ATE1: variants seen among roughly 807,000 people sequenced by gnomAD.
The protein encoded by ATE1 is arginyltransferase 1, also known as arginyl-tRNA--protein transferase 1.
ATE1 carries 36 observed loss-of-function variants against 70.5 expected under a neutral mutation model. The observed-to-expected ratio is 0.51, with a 90% CI of 0.39 to 0.67. The LOEUF is 0.67. Ranked by LOEUF, ATE1 falls within the 30% of genes least tolerant of loss-of-function variation. The pLI is 0.00. For missense variants in ATE1, 593 were observed against 629.5 expected (o/e 0.94, Z 0.62); for synonymous variants, 232 against 219.3 (o/e 1.06, Z -0.51).
At chr10:121,851,627 CTAACT>C (rs1345958919) in intron 8 of ATE1, among the ~76,000 whole-genome samples, 1 of 152,108 alleles carries the variant, frequency 6.6e-6, no homozygotes, top group African/African-American at 2.4e-5. Flanking sequence ...ACATGAGTAG[CTAACT>C]TAACAGCAAA....
At chr10:121,760,146 C>T (rs1163420022) in intron 11 of ATE1, among the ~76,000 whole-genome samples, 6 of 152,196 alleles carry the variant, frequency 3.9e-5, no homozygotes, top group Admixed American at 2.6e-4. Flanking sequence ...TGCCTGGTTA[C>T]CCAAGAGTTC....
chr10:121,923,919 G>T (rs1313932159), intron 2 of ATE1, among the ~76,000 whole-genome samples: 2 of 152,148 alleles, frequency 1.3e-5, no homozygotes, highest in Non-Finnish European at 2.9e-5. Flanking sequence ...CATACTTATT[G>T]CCTATCTATT....
At chr10:121,803,208 G>A (rs1232310630) in intron 10 of ATE1, among the ~76,000 whole-genome samples, 1 of 152,138 alleles carries the variant, frequency 6.6e-6, no homozygotes, top group Admixed American at 6.5e-5. Flanking sequence ...CTATGCATAT[G>A]AAGAATTCCT....
intron 8 of ATE1, among the ~76,000 whole-genome samples, chr10:121,852,388 C>A (rs1380022400): frequency 6.6e-6 from 1 of 151,620 alleles, no homozygotes; most frequent in African/African-American, 2.4e-5. Context: ...CTCACTCCTG[C>A]AACTGTTTTG....
intron 8 of ATE1, among the ~76,000 whole-genome samples, chr10:121,847,661 G>A (rs538999510): frequency 6.8e-6 from 1 of 147,394 alleles, no homozygotes; most frequent in East Asian, 2.0e-4. Context: ...AGGAGGCTGA[G>A]GGAGGACAGT....
At chr10:121,789,068 G>A (rs1946325803) in intron 11 of ATE1, among the ~76,000 whole-genome samples, 1 of 152,152 alleles carries the variant, frequency 6.6e-6, no homozygotes, top group Non-Finnish European at 1.5e-5. Context: ...ATAGGATGCA[G>A]CATTCTAATT....
At chr10:121,748,729 T>C (rs1201182756) in intron 11 of ATE1, among the ~76,000 whole-genome samples, 1 of 152,080 alleles carries the variant, frequency 6.6e-6, no homozygotes, top group African/African-American at 2.4e-5. Context: ...TAATAAAGTA[T>C]CTTATAAAGC....
At chr10:121,753,886 T>C (rs1036287206) in intron 11 of ATE1, among the ~76,000 whole-genome samples, 4 of 152,146 alleles carry the variant, frequency 2.6e-5, no homozygotes, top group African/African-American at 9.7e-5. Context: ...CAAAGAGACA[T>C]TTGTGAGTTC....
At chr10:121,827,415 T>C (rs981195078) in intron 10 of ATE1, among the ~76,000 whole-genome samples, 3 of 152,166 alleles carry the variant, frequency 2.0e-5, no homozygotes. Context: ...ACCTTGGAAC[T>C]GTAAGAGAAG....
intron 8 of ATE1, among the ~76,000 whole-genome samples, chr10:121,869,430 T>C (rs1949775194): frequency 6.6e-6 from 1 of 152,238 alleles, no homozygotes; most frequent in Non-Finnish European, 1.5e-5. Context: ...AGTTTTTCTT[T>C]ATCTCACAAT....
chr10:121,847,356 G>A (rs1439694394), intron 8 of ATE1, among the ~76,000 whole-genome samples: 2 of 152,228 alleles, frequency 1.3e-5, no homozygotes, highest in Non-Finnish European at 2.9e-5. Flanking sequence ...GCTGATGCAG[G>A]AGAATCGCTT....
At chr10:121,876,622 T>C (rs1203505594) in intron 7 of ATE1, among the ~76,000 whole-genome samples, 1 of 152,170 alleles carries the variant, frequency 6.6e-6, no homozygotes, top group East Asian at 1.9e-4. Flanking sequence ...GATAACAGTA[T>C]AACAATTCTA....
intron 10 of ATE1, among the ~76,000 whole-genome samples, chr10:121,808,944 C>T (rs1220737245): frequency 6.6e-6 from 1 of 152,176 alleles, no homozygotes; most frequent in Non-Finnish European, 1.5e-5. Flanking sequence ...GTATCTTGCA[C>T]TTTGATTTTT....
intron 11 of ATE1, among the ~76,000 whole-genome samples, chr10:121,765,445 A>T (rs927006074): frequency 2.6e-5 from 4 of 152,212 alleles, no homozygotes; most frequent in African/African-American, 9.6e-5. Flanking sequence ...TAACATTCAG[A>T]ATATACTGCA....
At chr10:121,927,110 G>A (rs12268263) in intron 1 of ATE1, 103,432 of 985,260 alleles carry the variant, frequency 0.1, 5,769 homozygotes, top group Non-Finnish European at 0.11. Flanking sequence ...CATGGCAAGA[G>A]AGGAAATAAA....
At position 121,902,372 on chromosome 10, in the gene ATE1, CA is replaced by C. The variant is rs1380302251; in HGVS notation, c.813+18del. On this transcript the variant is annotated intron_variant, in intron 6 of 11. Transcript: ENST00000224652. Reference sequence around the variant, plus strand: ...AAAAAAATCATAATAAAACAAACAACAAAAGTCCTCCAAAGTACCTCTAACT... The same window carrying C: ...AAAAAAATCATAATAAAACAAACAACAAAGTCCTCCAAAGTACCTCTAACT... 6 of 1,590,268 alleles carry C rather than the reference CA, an allele frequency of 3.8e-6. No individual in the cohort carries two copies. The highest frequency in any genetic ancestry group is 5.1e-6 in the Non-Finnish European group (6 of 1,166,428).
At chr10:121,752,961 C>T (rs1944649057) in intron 11 of ATE1, among the ~76,000 whole-genome samples, 1 of 152,168 alleles carries the variant, frequency 6.6e-6, no homozygotes, top group South Asian at 2.1e-4. Context: ...AATATTAAGT[C>T]TCCTGATCCA....
intron 7 of ATE1, among the ~76,000 whole-genome samples, chr10:121,891,569 G>T (rs1304836167): frequency 6.6e-6 from 1 of 152,126 alleles, no homozygotes; most frequent in Non-Finnish European, 1.5e-5. Context: ...ATTCCACGGA[G>T]AACTTTTACC....
chr10:121,787,459 TATAAGTCTG>T (rs1467533738), intron 11 of ATE1, among the ~76,000 whole-genome samples: 1 of 152,204 alleles, frequency 6.6e-6, no homozygotes, highest in Non-Finnish European at 1.5e-5. Context: ...AACCACAGGA[TATAAGTCTG>T]ATTTCAAATA....
Sources: allele counts gnomAD v4.1 joint callset (sites outside exome capture counted in the v4.1 genomes callset), GRCh38; gene constraint gnomAD v4.1.1; transcripts MANE v1.5; gene names NCBI Gene and HGNC (gene_info 2026-07-23, HGNC 2026-07-21).